The following CNRIP1 variants were observed in gnomAD, a reference collection of about 807,000 sequenced individuals.
CNRIP1 encodes the protein cannabinoid receptor interacting protein 1.
In CNRIP1, 10 loss-of-function variants were observed where a neutral mutation model predicts 15.2. The ratio of observed to expected loss-of-function variants is 0.66; its 90% CI spans 0.41 to 1.12. The LOEUF (loss-of-function observed/expected upper bound fraction) is 1.12, where lower values mean the gene tolerates loss of function less well. Ranked by LOEUF, CNRIP1 falls within the 50% of genes most tolerant of loss-of-function variation. The pLI, the probability that CNRIP1 is intolerant of heterozygous loss-of-function variation, is 0.00. For synonymous variants in CNRIP1, 91 were observed against 83.2 expected, an observed-to-expected ratio of 1.09 and a Z score of -0.51; for missense variants, 211 against 214.7, an observed-to-expected ratio of 0.98 and a Z score of 0.11.
At chr2:68,297,361 G>T (rs1382744680) in intron 2 of CNRIP1, among the ~76,000 whole-genome samples, 1 of 152,020 alleles carries the variant, frequency 6.6e-6, no homozygotes, top group African/African-American at 2.4e-5. Flanking sequence ...GAACCCAGAA[G>T]TTTAAGACCA....
chr2:68,319,138 A>G (rs978396071), intron 1 of CNRIP1, 84 bp downstream of exon 1: 4 of 1,371,146 alleles, frequency 2.9e-6, no homozygotes, highest in Non-Finnish European at 3.8e-6. Flanking sequence ...GAGGCCCTTG[A>G]GAGGCTCGGG....
intron 2 of CNRIP1, among the ~76,000 whole-genome samples, chr2:68,294,276 C>T (rs570538240): frequency 2.0e-5 from 3 of 152,278 alleles, no homozygotes; most frequent in South Asian, 2.1e-4. Flanking sequence ...ACGTGCCACT[C>T]GCTATCATAT....
In CNRIP1 at chr2:68,293,740, T is replaced by C. The variant is rs1671244100; in HGVS notation, c.*122A>G. Reference sequence around the variant, plus strand: ...ACACTTTCAAAATAACCAGGGCTAGTAGGTCATTAGTACCAGATGGGGAAC... The same window carrying C: ...ACACTTTCAAAATAACCAGGGCTAGCAGGTCATTAGTACCAGATGGGGAAC... On this transcript the variant is annotated 3_prime_UTR_variant, in exon 3 of 3. Transcript: ENST00000263655. The C allele has an allele frequency of 6.7e-7, 1 of 1,490,202 alleles. No homozygotes were observed. The highest frequency in any genetic ancestry group is 2.3e-5 in the Admixed American group (1 of 44,362). The allele number at this position is 1,490,202 out of a possible 1,614,324, so 92.3% of individuals were successfully genotyped here.
intron 2 of CNRIP1, among the ~76,000 whole-genome samples, chr2:68,305,710 G>A (rs1185342389): frequency 6.6e-6 from 1 of 150,524 alleles, no homozygotes; most frequent in Non-Finnish European, 1.5e-5. Flanking sequence ...GCAGGAGAAT[G>A]GCATGAACCC....
intron 2 of CNRIP1, among the ~76,000 whole-genome samples, chr2:68,311,204 G>C (rs1371744789): frequency 6.6e-6 from 1 of 151,914 alleles, no homozygotes; most frequent in African/African-American, 2.4e-5. Flanking sequence ...GATCCCCAAG[G>C]GGGGAAAAAC....
chr2:68,293,776 T>C lies in CNRIP1; in HGVS notation c.*86A>G. 6.5e-7 allele frequency: 1 copy of C among 1,540,494 alleles called. No homozygotes were observed. The highest frequency in any genetic ancestry group is 8.8e-7 in the Non-Finnish European group (1 of 1,140,320). ...TACCAGATGGGGAACAGCAATGGTG[T>C]GGCATGCCTTGTTTAAGGCCTGCGC... is the stretch of plus-strand genomic sequence containing the variant. On this transcript the variant is annotated 3_prime_UTR_variant, in exon 3 of 3. Coordinates refer to ENST00000263655, the MANE Select transcript of CNRIP1 (RefSeq NM_015463.3).
chr2:68,300,773 AAAT>A (rs1014895761), intron 2 of CNRIP1, among the ~76,000 whole-genome samples: 27 of 152,326 alleles, frequency 1.8e-4, no homozygotes, highest in African/African-American at 6.5e-4. Flanking sequence ...GAAAAAATAC[AAAT>A]ATTAGGAATG....
At position 68,317,258 on chromosome 2, in the gene CNRIP1, C is replaced by CTTTAG; in HGVS notation, c.224_228dup (p.Glu77LeufsTer20). 6.2e-7 allele frequency: 1 copy of CTTTAG among 1,614,160 alleles called. No homozygotes were observed. Among genetic ancestry groups the CTTTAG allele is most frequent in the Non-Finnish European group, 8.5e-7 (1 of 1,180,016 alleles). On this transcript the variant is annotated frameshift_variant, in exon 2 of 3. Coordinates refer to ENST00000263655, the MANE Select transcript of CNRIP1 (RefSeq NM_015463.3). LOFTEE classifies it high-confidence loss of function. ...TAAACAACTCTGTCCCCATCAGGCT[C>CTTTAG]TTTAGACTTCAGTTCCAGTGGGACA...
intron 2 of CNRIP1, among the ~76,000 whole-genome samples, chr2:68,304,409 A>AT: frequency 6.6e-6 from 1 of 151,154 alleles, no homozygotes; most frequent in Non-Finnish European, 1.5e-5. Flanking sequence ...CTCAAAAAAA[A>AT]AATAAAGTTG....
chr2:68,317,335 C>G (rs202218120), intron 1 of CNRIP1, 28 bp from the exon 2 acceptor site: 1 of 1,610,356 alleles, frequency 6.2e-7, no homozygotes, highest in African/African-American at 1.3e-5. Context: ...TGACCACATA[C>G]GGTTGAAATT....
chr2:68,295,539 T>C (rs973756003), intron 2 of CNRIP1, among the ~76,000 whole-genome samples: 1 of 152,222 alleles, frequency 6.6e-6, no homozygotes, highest in East Asian at 1.9e-4. Flanking sequence ...AGTTTTGGTA[T>C]ATTTATAAAA....
intron 2 of CNRIP1, among the ~76,000 whole-genome samples, chr2:68,304,613 G>A (rs1311537647): frequency 7.6e-6 from 1 of 131,398 alleles, no homozygotes; most frequent in Non-Finnish European, 1.6e-5. Flanking sequence ...TTGAGCACTG[G>A]TCATCTGGTT....
rs1184434121 is a variant in CNRIP1 at position 68,308,719 on chromosome 2, C to G, written c.330+8438G>C. On this transcript the variant is annotated intron_variant, in intron 2 of 2. Coordinates refer to ENST00000263655, the MANE Select transcript of CNRIP1 (RefSeq NM_015463.3). ...GCTTGGTTTGAGCTTAGATTTGATG[C>G]TGGGCTGTCTGGTTGCTGGTGCAAA... Among the ~76,000 whole-genome samples, 4 of 151,958 alleles carry G rather than the reference C, an allele frequency of 2.6e-5. No homozygotes were observed. In the South Asian group the frequency reaches 8.3e-4, roughly 32 times the overall value.
At position 68,304,626 on chromosome 2, in the gene CNRIP1, CTT is replaced by C. The variant is rs11292248; in HGVS notation, c.331-10602_331-10601del. On this transcript the variant is annotated intron_variant, in intron 2 of 2. Transcript: ENST00000263655. The stretch of plus-strand genomic sequence containing the variant: ...GTTTGAGCACTGGTCATCTGGTTGT[CTT>C]TTTTTTTTTTTTGAGACAGAGTCTC... Among the ~76,000 whole-genome samples, 516 of 136,930 alleles carry C rather than the reference CTT, an allele frequency of 3.8e-3. 3 individuals are homozygous for C. Among genetic ancestry groups the C allele is most frequent in the African/African-American group, 9.3e-3 (337 of 36,334 alleles). 89.8% of individuals were successfully genotyped at this position (136,930 alleles called of 152,430 possible). A position where few individuals can be genotyped will look rare whatever the true frequency, so the allele number is the denominator to read the frequency against.
chr2:68,318,703 C>G (rs1672371764), intron 1 of CNRIP1, among the ~76,000 whole-genome samples: 1 of 152,214 alleles, frequency 6.6e-6, no homozygotes, highest in South Asian at 2.1e-4. Flanking sequence ...CACTGAATGG[C>G]GAAGGGAGTG....
At chr2:68,308,919 T>C (rs1671970358) in intron 2 of CNRIP1, among the ~76,000 whole-genome samples, 2 of 151,458 alleles carry the variant, frequency 1.3e-5, no homozygotes, top group South Asian at 4.2e-4. Context: ...CAGAAAACAG[T>C]CCGAAAAAGG....
At position 68,284,366 on chromosome 2, in the gene CNRIP1, A is replaced by G. The variant is rs370185743; in HGVS notation, c.*62T>C. ...AGCCCTCCCCTAGAATGCAAAGCAA[A>G]TAATTTGGAAAAAAAAAAAAGAACA... On this transcript the variant is annotated 3_prime_UTR_variant, in exon 3 of 3. Coordinates refer to the CNRIP1 transcript ENST00000409559. 1.8e-3 allele frequency: 1,990 copies of G among 1,103,820 alleles called. 30 individuals are homozygous for G. In the African/African-American group the frequency reaches 0.042, roughly 23 times the overall value. 68.4% of individuals were successfully genotyped at this position (1,103,820 alleles called of 1,614,324 possible).
In CNRIP1 at chr2:68,293,650, G is replaced by T. The variant is rs1671240299; in HGVS notation, c.*212C>A. On this transcript the variant is annotated 3_prime_UTR_variant, in exon 3 of 3. Coordinates refer to ENST00000263655, the MANE Select transcript of CNRIP1 (RefSeq NM_015463.3). ...GGAACATCAGCACAAAATACAGATGGGAATATTCTCGGGAGTGGTACATCA... is the reference window on the plus strand; with the variant it reads ...GGAACATCAGCACAAAATACAGATGTGAATATTCTCGGGAGTGGTACATCA... The T allele has an allele frequency of 7.9e-7, 1 of 1,272,012 alleles. No individual in the cohort carries two copies. Among genetic ancestry groups the T allele is most frequent in the Non-Finnish European group, 1.0e-6 (1 of 1,000,482 alleles). 78.8% of individuals were successfully genotyped at this position (1,272,012 alleles called of 1,614,324 possible).
In CNRIP1 at chr2:68,304,229, G is replaced by GAA. The variant is rs11315317; in HGVS notation, c.331-10205_331-10204dup. ...CATGGTGAAAACCCTGTCTCTACTT[G>GAA]AAAAAAAAAAAAAATACAAAAATTA... is the stretch of plus-strand genomic sequence containing the variant. On this transcript the variant is annotated intron_variant, in intron 2 of 2. Coordinates refer to ENST00000263655, the MANE Select transcript of CNRIP1 (RefSeq NM_015463.3). 8.5e-3 allele frequency among the ~76,000 whole-genome samples: 1,194 copies of GAA among 140,224 alleles called. 6 individuals are homozygous for GAA. Among genetic ancestry groups the GAA allele is most frequent in the Non-Finnish European group, 0.012 (765 of 64,280 alleles). 92.0% of individuals were successfully genotyped at this position (140,224 alleles called of 152,430 possible). A position where few individuals can be genotyped will look rare whatever the true frequency, so the allele number is the denominator to read the frequency against.
Sources: gnomAD v4.1 joint callset for allele counts (sites outside exome capture counted in the v4.1 genomes callset) on GRCh38, gnomAD v4.1.1 for gene constraint, MANE v1.5 for transcripts, NCBI Gene and HGNC (gene_info 2026-07-23, HGNC 2026-07-21) for gene names.